The following SGK1 variants were observed in gnomAD, a reference collection of about 807,000 sequenced individuals.
The protein encoded by SGK1 is serine/threonine-protein kinase Sgk1.
A neutral mutation model predicts 64.2 loss-of-function variants in SGK1; 26 were observed. The ratio of observed to expected loss-of-function variants is 0.40; its 90% CI spans 0.30 to 0.56. The LOEUF (loss-of-function observed/expected upper bound fraction) is 0.56. Among genes scored for constraint, SGK1 ranks in the 20% least tolerant of loss-of-function variants. The pLI is 0.38. For synonymous variants in SGK1, 265 were observed against 239.7 expected (o/e 1.11, Z -0.98); for missense variants, 519 against 645.6 (o/e 0.80, Z 2.12).
intron 3 of SGK1, among the ~76,000 whole-genome samples, chr6:134,194,512 AAGTTTTTCTTTTTTTT>A (rs1355169177): frequency 9.5e-5 from 14 of 147,698 alleles, no homozygotes; most frequent in African/African-American, 3.5e-4. Context: ...AATTTGTCAA[AAGTTTTTCTTTTTTTT>A]TTTTTTTTGA....
At chr6:134,282,946 C>T (rs1260818899) in intron 1 of SGK1, 1 of 151,756 alleles carries the variant, frequency 6.6e-6, no homozygotes, top group Middle Eastern at 3.2e-3. Context: ...GAGATAAAAA[C>T]TCAGAAAGGC....
chr6:134,230,874 C>T (rs1396721921), intron 2 of SGK1, among the ~76,000 whole-genome samples: 3 of 152,088 alleles, frequency 2.0e-5, no homozygotes, highest in Non-Finnish European at 2.9e-5. Context: ...ATCAGCTGGG[C>T]GTGGTGGCAC....
chr6:134,174,018 T>A lies in SGK1; in HGVS notation c.500A>T (p.Asn167Ile), dbSNP rs73560810. 2.2e-4 allele frequency: 356 copies of A among 1,612,792 alleles called. No homozygotes were observed. In the African/African-American group the frequency reaches 4.2e-3, roughly 19 times the overall value. The change falls in exon 5 of 14, where the codon AAC (asparagine) becomes ATC (isoleucine). Residue 167 changes from asparagine (N) to isoleucine (I), a missense_variant. Asn to Ile is a moderately radical substitution (Grantham distance 149). Coordinates refer to ENST00000367858, the MANE Select transcript of SGK1 (RefSeq NM_001143676.3). Reference sequence around the variant, plus strand: ...ACAAAAACTTACTGGAGGAGAAGGGTTGGCATTCATAAGCTCAGGCTCCTG... The same window carrying A: ...ACAAAAACTTACTGGAGGAGAAGGGATGGCATTCATAAGCTCAGGCTCCTG... ...QPQEPELMNA[N>I]PSPPPSPSQQ...
chr6:134,181,856 TTTTTG>T (rs546281710), intron 3 of SGK1, among the ~76,000 whole-genome samples: 1 of 152,008 alleles, frequency 6.6e-6, no homozygotes, highest in African/African-American at 2.4e-5. Context: ...CTGTGAGTTT[TTTTTG>T]TTTTGTTTTG....
chr6:134,262,036 T>A lies in SGK1; in HGVS notation c.182A>T (p.Glu61Val). The change falls in exon 2 of 14, where the codon GAG (glutamate) becomes GTG (valine). Residue 61 changes from glutamate (E) to valine (V), a missense_variant. Glu to Val is a moderately radical substitution (Grantham distance 121). This residue lies in a region of SGK1 where 241 missense variants were observed against 236.9 expected (regional missense o/e 1.02). Transcript: ENST00000367858. ...VHIPPGEPDF[E>V]SSLCQTCLGE... ...CAGGCATGTTTGACACAAGGAAGAC[T>A]CGAAGTCTGGCTCCCCTGGAGGGAT... The A allele has an allele frequency of 6.2e-7, 1 of 1,613,964 alleles. No homozygotes were observed. Among genetic ancestry groups the A allele is most frequent in the Non-Finnish European group, 8.5e-7 (1 of 1,179,828 alleles).
chr6:134,181,254 A>C (rs963139730), intron 3 of SGK1, among the ~76,000 whole-genome samples: 1 of 152,214 alleles, frequency 6.6e-6, no homozygotes, highest in Non-Finnish European at 1.5e-5. Flanking sequence ...TTTCTGGTGG[A>C]CATCTTTTGT....
chr6:134,200,610 TA>T (rs1775665220), intron 3 of SGK1, among the ~76,000 whole-genome samples: 1 of 152,194 alleles, frequency 6.6e-6, no homozygotes, highest in East Asian at 1.9e-4. Context: ...TAACTCTATT[TA>T]AACTGTGTAT....
intron 1 of SGK1, among the ~76,000 whole-genome samples, chr6:134,283,618 T>C (rs2114772783): frequency 6.6e-6 from 1 of 151,506 alleles, no homozygotes; most frequent in African/African-American, 2.4e-5. Context: ...GAGGCCAAGG[T>C]GGGAGGATCA....
chr6:134,302,903 C>A (rs942593200), intron 1 of SGK1, among the ~76,000 whole-genome samples: 4 of 151,798 alleles, frequency 2.6e-5, no homozygotes, highest in African/African-American at 9.7e-5. Context: ...TACAGGTGTG[C>A]GCTATCATGC....
chr6:134,176,577 T>C (rs906203319), intron 3 of SGK1, among the ~76,000 whole-genome samples: 6 of 151,934 alleles, frequency 3.9e-5, no homozygotes, highest in African/African-American at 1.5e-4. Flanking sequence ...GTTACCACTA[T>C]TCGCAGGGCC....
At chr6:134,238,049 T>C (rs530258035) in intron 2 of SGK1, among the ~76,000 whole-genome samples, 6 of 152,342 alleles carry the variant, frequency 3.9e-5, no homozygotes, top group African/African-American at 1.4e-4. Flanking sequence ...TTTTAGAGTA[T>C]AATTGTTCCA....
Position 134,173,510 on chromosome 6 carries a change from T to C in SGK1, c.570A>G (p.Pro190=). ...TCACTTTCAAGAAGTGAAAGTCAGATGGTTTAGCATGAGGATTGGACGACG... is the reference window on the plus strand; with the variant it reads ...TCACTTTCAAGAAGTGAAAGTCAGACGGTTTAGCATGAGGATTGGACGACG... ...LGPSSNPHAK[P]SDFHFLKVIG... is the part of the protein sequence containing the mutation. The change falls in exon 6 of 14, where the codon CCA becomes CCG. Residue 190 remains proline, a synonymous_variant. Transcript: ENST00000367858. 3 of 1,613,080 alleles carry C rather than the reference T, an allele frequency of 1.9e-6. No homozygotes were observed. Among genetic ancestry groups the C allele is most frequent in the Non-Finnish European group, 8.5e-7 (1 of 1,179,792 alleles).
chr6:134,278,819 G>A (rs765113221), intron 1 of SGK1, among the ~76,000 whole-genome samples: 1 of 150,904 alleles, frequency 6.6e-6, no homozygotes, highest in Non-Finnish European at 1.5e-5. Flanking sequence ...GAAATTGCTG[G>A]AATTAAAAAA....
At chr6:134,286,379 G>A (rs1308612021) in intron 1 of SGK1, among the ~76,000 whole-genome samples, 2 of 152,128 alleles carry the variant, frequency 1.3e-5, no homozygotes, top group Non-Finnish European at 2.9e-5. Context: ...GACCTCCTGA[G>A]CCTGGGAGAT....
At chr6:134,273,624 CTGAGT>C (rs1488792566) in intron 1 of SGK1, among the ~76,000 whole-genome samples, 6 of 76,144 alleles carry the variant, frequency 7.9e-5, no homozygotes, top group African/African-American at 3.7e-4. Flanking sequence ...AAAAAAAAAG[CTGAGT>C]TAAAGGAAGC....
At chr6:134,256,611 A>G (rs1457298857) in intron 2 of SGK1, among the ~76,000 whole-genome samples, 1 of 152,204 alleles carries the variant, frequency 6.6e-6, no homozygotes. Flanking sequence ...ACACCTCTCG[A>G]AAAACTACTT....
intron 1 of SGK1, among the ~76,000 whole-genome samples, chr6:134,278,944 A>G (rs1353026909): frequency 6.6e-6 from 1 of 152,198 alleles, no homozygotes; most frequent in Non-Finnish European, 1.5e-5. Context: ...TGTTAACATG[A>G]ATCTGTGTAA....
intron 2 of SGK1, among the ~76,000 whole-genome samples, chr6:134,217,364 G>A (rs1415651150): frequency 6.6e-6 from 1 of 152,204 alleles, no homozygotes; most frequent in Non-Finnish European, 1.5e-5. Context: ...TAGTGTGGCA[G>A]GCCTGCAGAA....
chr6:134,310,927 A>G (rs1321070509), intron 1 of SGK1, among the ~76,000 whole-genome samples: 3 of 152,324 alleles, frequency 2.0e-5, no homozygotes, highest in Admixed American at 1.3e-4. Flanking sequence ...TATTAATGCA[A>G]AATAAAAGGA....
Sources: allele counts gnomAD v4.1 joint callset (sites outside exome capture counted in the v4.1 genomes callset), GRCh38; gene constraint gnomAD v4.1.1; regional missense constraint gnomAD v4.1.1; transcripts MANE v1.5; gene names NCBI Gene and HGNC (gene_info 2026-07-23, HGNC 2026-07-21).